TRPC4: variants seen among roughly 807,000 people sequenced by gnomAD.
TRPC4 encodes short transient receptor potential channel 4.
Under a neutral mutation model 99.4 loss-of-function variants are expected in TRPC4, and 49 were observed. The observed-to-expected ratio is 0.49, with a 90% CI of 0.39 to 0.63. TRPC4 has a LOEUF of 0.63. Ranked by LOEUF, TRPC4 falls within the 20% of genes least tolerant of loss-of-function variation. The pLI is 0.00. For missense variants in TRPC4, 898 were observed against 1,152.9 expected (o/e 0.78, Z 3.20); for synonymous variants, 454 against 425.9 (o/e 1.07, Z -0.81).
At chr13:37,852,788 T>A (rs1290307949) in intron 1 of TRPC4, among the ~76,000 whole-genome samples, 1 of 152,234 alleles carries the variant, frequency 6.6e-6, no homozygotes, top group South Asian at 2.1e-4. Context: ...TCTGAAGAAC[T>A]CTTGGGCATT....
intron 1 of TRPC4, among the ~76,000 whole-genome samples, chr13:37,796,902 G>A (rs1957258798): frequency 6.6e-5 from 4 of 60,234 alleles, no homozygotes; most frequent in African/African-American, 2.6e-4. Context: ...AGACCAGTCT[G>A]GACAACATAG....
intron 4 of TRPC4, among the ~76,000 whole-genome samples, chr13:37,689,452 T>C: frequency 6.6e-6 from 1 of 152,190 alleles, no homozygotes; most frequent in East Asian, 1.9e-4. Context: ...CTCTTTGATA[T>C]ATAAACATTT....
At chr13:37,777,047 AT>A (rs1288758440) in intron 2 of TRPC4, among the ~76,000 whole-genome samples, 1 of 151,976 alleles carries the variant, frequency 6.6e-6, no homozygotes, top group Non-Finnish European at 1.5e-5. Context: ...TAAAGACACA[AT>A]TGTATTAACA....
intron 4 of TRPC4, among the ~76,000 whole-genome samples, chr13:37,678,582 A>G (rs9548015): frequency 0.037 from 5,597 of 152,192 alleles, 154 homozygotes; most frequent in Admixed American, 0.061. Flanking sequence ...GAATAGTCCT[A>G]TAGTTATTAA....
chr13:37,858,504 G>A (rs1238228811), intron 1 of TRPC4, among the ~76,000 whole-genome samples: 2 of 151,568 alleles, frequency 1.3e-5, no homozygotes, highest in Non-Finnish European at 3.0e-5. Context: ...TTTCACAATA[G>A]TCAAAATTTG....
At chr13:37,829,551 C>A (rs528886354) in intron 1 of TRPC4, among the ~76,000 whole-genome samples, 1 of 152,108 alleles carries the variant, frequency 6.6e-6, no homozygotes, top group African/African-American at 2.4e-5. Flanking sequence ...CCAATAAAAC[C>A]AGTTGGATCA....
chr13:37,710,991 A>G (rs1370770493), intron 3 of TRPC4, among the ~76,000 whole-genome samples: 2 of 151,988 alleles, frequency 1.3e-5, no homozygotes, highest in African/African-American at 2.4e-5. Context: ...TTTAAAATGA[A>G]ACTTCATTAA....
rs75585170 is a variant in TRPC4, at chr13:37,848,254, G to C, written c.-28+21341C>G. ...ATTATACATTGTATACATATATCAAGACATCACATTAAATATCTTAAATGC... is the reference window on the plus strand; with the variant it reads ...ATTATACATTGTATACATATATCAACACATCACATTAAATATCTTAAATGC... On this transcript the variant is annotated intron_variant, in intron 1 of 10. Transcript: ENST00000379705. 9.0e-3 allele frequency among the ~76,000 whole-genome samples: 1,361 copies of C among 152,026 alleles called. 35 individuals carry two copies. The East Asian group carries it at 0.1, about 11-fold the overall frequency.
chr13:37,866,276 T>C (rs1426952914), intron 1 of TRPC4, among the ~76,000 whole-genome samples: 1 of 151,804 alleles, frequency 6.6e-6, no homozygotes. Flanking sequence ...GAAGTCATTA[T>C]TCTATGACAC....
Position 37,660,094 on chromosome 13 carries a change from A to G in TRPC4, c.1688+3322T>C, listed in dbSNP as rs1038424748. 2.0e-5 allele frequency among the ~76,000 whole-genome samples: 3 copies of G among 152,198 alleles called. No individual in the cohort carries two copies. In the South Asian group the frequency reaches 6.2e-4, roughly 32 times the overall value. ...ATTCCAAAAGCACAGATGAGTTTTC[A>G]TAGGGGTACTGTTAAAAGGGTCTCA... On this transcript the variant is annotated intron_variant, in intron 6 of 10. Coordinates refer to ENST00000379705, the MANE Select transcript of TRPC4 (RefSeq NM_016179.4).
At chr13:37,737,514 G>A (rs943428127) in intron 3 of TRPC4, among the ~76,000 whole-genome samples, 9 of 151,734 alleles carry the variant, frequency 5.9e-5, no homozygotes, top group South Asian at 2.1e-4. Context: ...ATTCTGTTCC[G>A]CAGGCTGGAA....
intron 1 of TRPC4, among the ~76,000 whole-genome samples, chr13:37,811,497 G>A (rs751663545): frequency 6.6e-6 from 1 of 152,082 alleles, no homozygotes; most frequent in Admixed American, 6.6e-5. Flanking sequence ...TCCCTCACTT[G>A]GGGATACAGA....
intron 1 of TRPC4, among the ~76,000 whole-genome samples, chr13:37,826,638 G>A (rs919670742): frequency 7.0e-4 from 107 of 152,176 alleles, no homozygotes; most frequent in East Asian, 9.7e-4. Flanking sequence ...TCTGCCAAGA[G>A]ATCCGCTGTT....
chr13:37,648,860 T>C (rs1951931908), intron 8 of TRPC4, among the ~76,000 whole-genome samples: 1 of 152,180 alleles, frequency 6.6e-6, no homozygotes, highest in South Asian at 2.1e-4. Context: ...TCCATTCTTT[T>C]TGTTGGCAGT....
At chr13:37,678,265 A>G (rs2138791007) in intron 4 of TRPC4, among the ~76,000 whole-genome samples, 1 of 152,172 alleles carries the variant, frequency 6.6e-6, no homozygotes, top group African/African-American at 2.4e-5. Context: ...AAAATAACAA[A>G]GGTAACAAAA....
intron 2 of TRPC4, among the ~76,000 whole-genome samples, chr13:37,760,334 C>T (rs1956190008): frequency 6.6e-6 from 1 of 151,892 alleles, no homozygotes; most frequent in African/African-American, 2.4e-5. Context: ...TCCCTCTCAC[C>T]TATCCAGTTC....
intron 2 of TRPC4, among the ~76,000 whole-genome samples, chr13:37,750,352 G>A (rs1955899877): frequency 6.6e-6 from 1 of 152,044 alleles, no homozygotes; most frequent in African/African-American, 2.4e-5. Flanking sequence ...CAGAGTTTTT[G>A]TGTCACACAG....
intron 3 of TRPC4, among the ~76,000 whole-genome samples, chr13:37,735,859 GT>G (rs1955379911): frequency 6.6e-6 from 1 of 152,076 alleles, no homozygotes; most frequent in South Asian, 2.1e-4. Flanking sequence ...TCAAATACAA[GT>G]TTTTATATCT....
rs956397767 is a variant in TRPC4 at position 37,825,073 on chromosome 13, G to A, written c.-27-41713C>T. ...GTTTATTTGCATAGAGGTGTTTGTA[G>A]TATTCTCTGATGGTAGTTTGTATTT... On this transcript the variant is annotated intron_variant, in intron 1 of 10. Transcript: ENST00000379705. Among the ~76,000 whole-genome samples the A allele has an allele frequency of 4.6e-5, 7 of 151,166 alleles. No homozygotes were observed. In the South Asian group the frequency reaches 8.3e-4, roughly 18 times the overall value.
Sources: allele counts gnomAD v4.1 joint callset (sites outside exome capture counted in the v4.1 genomes callset), GRCh38; gene constraint gnomAD v4.1.1; transcripts MANE v1.5; gene names NCBI Gene and HGNC (gene_info 2026-07-23, HGNC 2026-07-21).